Variants in CERS4 observed in about 807,000 individuals in gnomAD.
CERS4 encodes the protein ceramide synthase 4.
Under a neutral mutation model 51.8 loss-of-function variants are expected in CERS4, and 65 were observed. The ratio of observed to expected loss-of-function variants is 1.26; its 90% CI spans 1.03 to 1.54. CERS4 has a LOEUF of 1.54. Among genes scored for constraint, CERS4 ranks in the 40% most tolerant of loss-of-function variants. CERS4 has a pLI of 0.00. For synonymous variants in CERS4, 228 were observed against 208.4 expected (o/e 1.09, Z -0.81); for missense variants, 563 against 500.4 (o/e 1.13, Z -1.19).
intron 2 of CERS4, chr19:8,241,373 G>T (rs1292660001): frequency 6.6e-5 from 10 of 152,308 alleles, no homozygotes. Flanking sequence ...GGAGTGCAGT[G>T]GTGTGATCAC....
intron 3 of CERS4, among the ~76,000 whole-genome samples, chr19:8,253,239 G>A (rs1327532179): frequency 6.6e-6 from 1 of 152,152 alleles, no homozygotes; most frequent in African/African-American, 2.4e-5. Context: ...CGGAATGGGG[G>A]ATGCTGGGAG....
chr19:8,212,668 C>T (rs1054675037), intron 2 of CERS4, among the ~76,000 whole-genome samples: 4 of 151,780 alleles, frequency 2.6e-5, no homozygotes, highest in African/African-American at 7.3e-5. Flanking sequence ...AATGGAGTTT[C>T]GTTCTTGTCG....
At chr19:8,252,145 C>A (rs888671846) in intron 3 of CERS4, among the ~76,000 whole-genome samples, 1 of 151,528 alleles carries the variant, frequency 6.6e-6, no homozygotes, top group Admixed American at 6.6e-5. Context: ...CCAAGGTGGG[C>A]GGATCATGAT....
In CERS4 at chr19:8,257,927, CTCT is replaced by C; in HGVS notation, c.793_795del (p.Phe265del). On this transcript the variant is annotated inframe_deletion, in exon 10 of 12. Coordinates refer to ENST00000251363, the MANE Select transcript of CERS4 (RefSeq NM_024552.3). ...GCAGTATCAGCAAGTGTGCGACGCT[CTCT>C]TCCTCATCTTCTCCTTTGTCTTCTT... 6.2e-7 allele frequency: 1 copy of C among 1,614,098 alleles called. No homozygotes were observed.
chr19:8,245,229 A>AT (rs1968728637), intron 2 of CERS4, among the ~76,000 whole-genome samples: 1 of 146,690 alleles, frequency 6.8e-6, no homozygotes, highest in Admixed American at 6.8e-5. Flanking sequence ...TTTTTATTTT[A>AT]TTTATATATT....
chr19:8,243,465 T>C (rs1397038455), intron 2 of CERS4, among the ~76,000 whole-genome samples: 1 of 152,130 alleles, frequency 6.6e-6, no homozygotes. Context: ...CTGGGCCTCG[T>C]TGTAGGTCTA....
Position 8,210,808 on chromosome 19 carries a change from G to A in CERS4, c.-56G>A, listed in dbSNP as rs1213575996. Reference sequence around the variant, plus strand: ...GCAGGCCCAGCCAGGCGTGGAGGAAGAGGCATTGAGGACTTTCCTTACCTG... The same window carrying A: ...GCAGGCCCAGCCAGGCGTGGAGGAAAAGGCATTGAGGACTTTCCTTACCTG... On this transcript the variant is annotated 5_prime_UTR_variant, in exon 2 of 12. Transcript: ENST00000251363. This position sits in a 1 kb window ranked among gnomAD's most constrained non-coding sequence, Gnocchi z 4.2. The A allele has an allele frequency of 6.6e-6, 1 of 152,282 alleles. No homozygotes were observed. The highest frequency in any genetic ancestry group is 1.5e-5 in the Non-Finnish European group (1 of 68,118). The allele number at this position is 152,282 out of a possible 1,614,324, so 9.4% of individuals were successfully genotyped here.
Position 8,256,949 on chromosome 19 carries a change from G to T in CERS4, c.613G>T (p.Asp205Tyr). Residue 205 changes from aspartate to tyrosine, a missense_variant and splice_region_variant, in exon 9 of 12, where the codon GAT becomes TAT. Coordinates refer to ENST00000251363, the MANE Select transcript of CERS4 (RefSeq NM_024552.3). ...IRLPFDVKRK[D>Y]FKEQVIHHFV... is the part of the protein sequence containing the mutation. Reference sequence around the variant, plus strand: ...CACTATGACCCACCGTCTACTGCAGGATTTCAAGGAGCAGGTGATACACCA... The same window carrying T: ...CACTATGACCCACCGTCTACTGCAGTATTTCAAGGAGCAGGTGATACACCA... The T allele has an allele frequency of 6.2e-7, 1 of 1,614,168 alleles. No homozygotes were observed. The highest frequency in any genetic ancestry group is 8.5e-7 in the Non-Finnish European group (1 of 1,180,038).
intron 2 of CERS4, chr19:8,238,466 G>T (rs1968371502): frequency 1.8e-5 from 18 of 979,460 alleles, no homozygotes; most frequent in Non-Finnish European, 2.2e-5. Context: ...GAGGCTTGGG[G>T]CTGGTCTTGG....
intron 2 of CERS4, among the ~76,000 whole-genome samples, chr19:8,236,290 C>T (rs937359453): frequency 5.3e-5 from 8 of 152,306 alleles, no homozygotes; most frequent in Admixed American, 2.0e-4. Flanking sequence ...TAGTTCAAAT[C>T]GAGAAAGACG....
chr19:8,256,428 A>C (rs569220991), intron 7 of CERS4, 142 bp downstream of exon 7: 1 of 1,016,412 alleles, frequency 9.8e-7, no homozygotes, highest in African/African-American at 2.2e-5. Context: ...TCTGGGGAAT[A>C]GAGAGGGGCC....
At chr19:8,233,562 G>T (rs1012930773) in intron 2 of CERS4, among the ~76,000 whole-genome samples, 3 of 152,104 alleles carry the variant, frequency 2.0e-5, no homozygotes, top group African/African-American at 7.2e-5. Flanking sequence ...ACCAGAAGGA[G>T]AATTCTTGTG....
At position 8,209,393 on chromosome 19, in the gene CERS4, G is replaced by A. The variant is rs1966994073; in HGVS notation, c.-260G>A. ...CCAGGAGCAGAGTCCGGCTGCCTGG[G>A]GCGGGCGGCGCGTGTCTGCAGCTGC... On this transcript the variant is annotated 5_prime_UTR_variant, in exon 1 of 12. Transcript: ENST00000251363. The A allele has an allele frequency of 1.3e-5, 2 of 150,918 alleles. 1 individual carries two copies. Among genetic ancestry groups the A allele is most frequent in the South Asian group, 4.1e-4 (2 of 4,828 alleles). The allele number at this position is 150,918 out of a possible 1,614,324, so 9.3% of individuals were successfully genotyped here.
At chr19:8,230,487 G>A (rs1309562144) in intron 2 of CERS4, among the ~76,000 whole-genome samples, 1 of 152,142 alleles carries the variant, frequency 6.6e-6, no homozygotes, top group African/African-American at 2.4e-5. Context: ...ACTGTGCCCA[G>A]CCATAAGTTA....
intron 3 of CERS4, among the ~76,000 whole-genome samples, chr19:8,254,259 C>T (rs1201030683): frequency 7.3e-6 from 1 of 136,906 alleles, no homozygotes; most frequent in African/African-American, 2.7e-5. Context: ...GGAGGCGGAG[C>T]TTGCAGTGAG....
intron 6 of CERS4, 145 bp from the exon 7 acceptor site, chr19:8,256,091 C>A (rs558740540): frequency 2.0e-6 from 2 of 987,026 alleles, no homozygotes; most frequent in Non-Finnish European, 3.0e-6. Flanking sequence ...ATGAGCCCCC[C>A]AGTCGAGAGT....
At chr19:8,252,236 GGCACATGCCTGTAGTCCCA>G (rs893943229) in intron 3 of CERS4, among the ~76,000 whole-genome samples, 1 of 151,874 alleles carries the variant, frequency 6.6e-6, no homozygotes, top group African/African-American at 2.4e-5. Context: ...TGGGTGTGGT[GGCACATGCCTGTAGTCCCA>G]GCTACTCAGG....
At chr19:8,241,689 T>A (rs1289267221) in intron 2 of CERS4, among the ~76,000 whole-genome samples, 4 of 152,096 alleles carry the variant, frequency 2.6e-5, no homozygotes, top group Admixed American at 2.0e-4. Context: ...ATTTTACAGA[T>A]AAAACTGAGG....
At chr19:8,238,423 A>G in intron 2 of CERS4, 1 of 744,610 alleles carries the variant, frequency 1.3e-6, no homozygotes, top group Non-Finnish European at 1.6e-6. Flanking sequence ...GGGCGGAGGC[A>G]TGTTGGAAAA....
Sources: gnomAD v4.1 joint callset for allele counts (sites outside exome capture counted in the v4.1 genomes callset) on GRCh38, gnomAD v4.1.1 for gene constraint, Gnocchi (gnomAD v3.1) non-coding constraint, MANE v1.5 for transcripts, NCBI Gene and HGNC (gene_info 2026-07-23, HGNC 2026-07-21) for gene names.